RNASEH1: variants seen among roughly 807,000 people sequenced by gnomAD.
The protein encoded by RNASEH1 is ribonuclease H type II.
RNASEH1 carries 27 observed loss-of-function variants against 34.6 expected under a neutral mutation model. The observed-to-expected ratio is 0.78, with a 90% CI of 0.58 to 1.08. The LOEUF is 1.08. Among genes scored for constraint, RNASEH1 ranks in the 50% least tolerant of loss-of-function variants. The pLI is 0.00. For missense variants in RNASEH1, 349 were observed against 373.6 expected (o/e 0.93, Z 0.54); for synonymous variants, 162 against 138.4 (o/e 1.17, Z -1.20).
At chr2:3,552,706 T>TCAGTGGTGTTGCTGGGCG (rs1660093375) in intron 2 of RNASEH1, among the ~76,000 whole-genome samples, 1 of 151,394 alleles carries the variant, frequency 6.6e-6, no homozygotes, top group South Asian at 2.1e-4. Flanking sequence ...GTATATAACA[T>TCAGTGGTGTTGCTGGGCG]CAGTGGTGTT....
At chr2:3,548,546 G>T (rs954527520) in intron 6 of RNASEH1, 94 bp downstream of exon 6, 1 of 767,200 alleles carries the variant, frequency 1.3e-6, no homozygotes, top group Non-Finnish European at 2.2e-6. Flanking sequence ...TCATCCCCCC[G>T]TTCCCATTTG....
Position 3,552,061 on chromosome 2 carries a change from C to T in RNASEH1, c.409+83G>A, listed in dbSNP as rs186588014. On this transcript the variant is annotated intron_variant, in intron 3 of 7. Transcript: ENST00000315212. ...AGATGATAAACACCAGCTCAAACTC[C>T]CCCCATCAAGTGGGAAACACCTTTT... The T allele has an allele frequency of 3.7e-5, 41 of 1,112,336 alleles. No homozygotes were observed. The African/African-American group carries it at 5.0e-4, about 14-fold the overall frequency. The allele number at this position is 1,112,336 out of a possible 1,614,324, so 68.9% of individuals were successfully genotyped here. A position where few individuals can be genotyped will look rare whatever the true frequency, so the allele number is the denominator to read the frequency against.
chr2:3,549,185 C>T (rs1196277777), intron 4 of RNASEH1, 73 bp from the exon 5 acceptor site: 21 of 1,084,446 alleles, frequency 1.9e-5, no homozygotes, highest in Middle Eastern at 2.0e-4. Context: ...TAATGGATAA[C>T]GATAAACTAG....
chr2:3,552,436 C>A (rs1660039485), intron 2 of RNASEH1, 128 bp from the exon 3 acceptor site: 1 of 871,930 alleles, frequency 1.1e-6, no homozygotes, highest in East Asian at 2.9e-5. Context: ...TCTATGTGGC[C>A]CTACAACGAG....
At chr2:3,557,100 T>C (rs1426456415) in intron 1 of RNASEH1, among the ~76,000 whole-genome samples, 196 bp from the exon 2 acceptor site, 1 of 152,234 alleles carries the variant, frequency 6.6e-6, no homozygotes, top group Non-Finnish European at 1.5e-5. Context: ...TATTTGCAAA[T>C]AACCCACACA....
chr2:3,552,765 A>C (rs1319568449), intron 2 of RNASEH1, among the ~76,000 whole-genome samples: 1 of 152,096 alleles, frequency 6.6e-6, no homozygotes, highest in African/African-American at 2.4e-5. Context: ...CGGGAGGCTG[A>C]CATACGAGTA....
At chr2:3,553,873 C>A (rs1660233403) in intron 2 of RNASEH1, among the ~76,000 whole-genome samples, 1 of 152,188 alleles carries the variant, frequency 6.6e-6, no homozygotes, top group South Asian at 2.1e-4. Flanking sequence ...ACCCTCTGGG[C>A]TTCTGTAAAA....
chr2:3,537,220 G>A (rs1382494775), downstream of RNASEH1, among the ~76,000 whole-genome samples: 1 of 152,214 alleles, frequency 6.6e-6, no homozygotes, highest in Non-Finnish European at 1.5e-5. Context: ...ATGTCACAGA[G>A]TTTCACAGAG....
chr2:3,539,767 G>A (rs1308715332), downstream of RNASEH1, among the ~76,000 whole-genome samples: 2 of 152,130 alleles, frequency 1.3e-5, no homozygotes. Flanking sequence ...TAGAATATTA[G>A]AATTAGGAAA....
rs754376833 is a variant in RNASEH1, at chr2:3,550,396, A to C, written c.486T>G (p.Val162=). ...GRRRPRAGIG[V]YWGPGHPLNV... The stretch of plus-strand genomic sequence containing the variant: ...ACAAAGGATGGCCTGGCCCCCAGTA[A>C]ACGCCGATTCCTGCTCGCGGCCTTC... The change falls in exon 4 of 8, where the codon GTT becomes GTG. Residue 162 remains valine, a synonymous_variant. Transcript: ENST00000315212. The C allele has an allele frequency of 3.1e-6, 5 of 1,614,046 alleles. No individual in the cohort carries two copies. The East Asian group carries it at 1.1e-4, about 36-fold the overall frequency.
intron 7 of RNASEH1, among the ~76,000 whole-genome samples, chr2:3,546,474 TACA>T (rs1283333025): frequency 1.3e-5 from 2 of 152,244 alleles, no homozygotes. Flanking sequence ...GCTTTAATCA[TACA>T]ACCTTACTAT....
intron 3 of RNASEH1, among the ~76,000 whole-genome samples, chr2:3,550,979 G>A (rs1016193731): frequency 1.3e-5 from 2 of 152,204 alleles, no homozygotes; most frequent in African/African-American, 4.8e-5. Context: ...TAGATAGAGG[G>A]TATGATTGAC....
At chr2:3,541,285 C>G (rs1051372174), downstream of RNASEH1, among the ~76,000 whole-genome samples, 1 of 150,690 alleles carries the variant, frequency 6.6e-6, no homozygotes, top group Non-Finnish European at 1.5e-5. Flanking sequence ...GCCAAGATCA[C>G]GCCACTGCAC....
In RNASEH1 at chr2:3,553,604, G is replaced by A. The variant is rs534987242; in HGVS notation, c.245-1296C>T. Among the ~76,000 whole-genome samples the A allele has an allele frequency of 3.3e-5, 5 of 152,114 alleles. No homozygotes were observed. In the East Asian group the frequency reaches 9.7e-4, roughly 30 times the overall value. On this transcript the variant is annotated intron_variant, in intron 2 of 7. Coordinates refer to ENST00000315212, the MANE Select transcript of RNASEH1 (RefSeq NM_002936.6). ...ATGGGGGTTTCACCATTTTGGCCAG[G>A]CTGGTCTTGAACTCCTGACCTTGTG...
At chr2:3,548,147 T>C (rs1572298323) in intron 6 of RNASEH1, 92 bp from the exon 7 acceptor site, 1 of 1,461,500 alleles carries the variant, frequency 6.8e-7, no homozygotes, top group East Asian at 2.3e-5. Context: ...ATCCCACTTG[T>C]ATTCTGAGTC....
intron 2 of RNASEH1, among the ~76,000 whole-genome samples, chr2:3,556,534 T>C (rs1489527917): frequency 6.6e-6 from 1 of 151,888 alleles, no homozygotes; most frequent in Admixed American, 6.6e-5. Context: ...AGTATTTTTT[T>C]AAAAAAAGAC....
rs1349071279 is a variant in RNASEH1 at position 3,545,283 on chromosome 2, C to T, written c.*502G>A. 1.2e-5 allele frequency: 2 copies of T among 164,286 alleles called. No homozygotes were observed. Among genetic ancestry groups the T allele is most frequent in the Non-Finnish European group, 2.7e-5 (2 of 74,546 alleles). The allele number at this position is 164,286 out of a possible 1,614,324, so 10.2% of individuals were successfully genotyped here. A position where few individuals can be genotyped will look rare whatever the true frequency, so the allele number is the denominator to read the frequency against. On this transcript the variant is annotated 3_prime_UTR_variant, in exon 8 of 8. Transcript: ENST00000315212. ...GCACATGGGGCTGAGACCCAGCACA[C>T]ATCCTGCCCACTGAGCTGTCCGCCC...
chr2:3,553,274 A>C (rs563813819), intron 2 of RNASEH1, among the ~76,000 whole-genome samples: 1 of 152,064 alleles, frequency 6.6e-6, no homozygotes, highest in Admixed American at 6.5e-5. Flanking sequence ...CAGAAACCAG[A>C]AACTAAAAGG....
At chr2:3,553,947 G>A (rs1660242044) in intron 2 of RNASEH1, among the ~76,000 whole-genome samples, 1 of 152,164 alleles carries the variant, frequency 6.6e-6, no homozygotes. Flanking sequence ...TAAGGACACA[G>A]GAGCAACCAA....
Sources: allele counts gnomAD v4.1 joint callset (sites outside exome capture counted in the v4.1 genomes callset), GRCh38; gene constraint gnomAD v4.1.1; transcripts MANE v1.5; gene names NCBI Gene and HGNC (gene_info 2026-07-23, HGNC 2026-07-21).